TRDN: variants seen among roughly 807,000 people sequenced by gnomAD.
TRDN encodes triadin.
TRDN carries 161 observed loss-of-function variants against 149.7 expected under a neutral mutation model. That is an observed-to-expected ratio of 1.08 (90% CI 0.95 to 1.23). The LOEUF (loss-of-function observed/expected upper bound fraction) is 1.23, where lower values mean the gene tolerates loss of function less well. Ranked by LOEUF, TRDN falls within the 50% of genes most tolerant of loss-of-function variation. The pLI is 0.00. For synonymous variants in TRDN, 294 were observed against 250.5 expected (o/e 1.17, Z -1.64); for missense variants, 896 against 823.5 (o/e 1.09, Z -1.08).
chr6:123,446,074 A>T (rs1166982133), intron 10 of TRDN, among the ~76,000 whole-genome samples: 21 of 151,762 alleles, frequency 1.4e-4, no homozygotes, highest in Non-Finnish European at 2.4e-4. Flanking sequence ...TGATGAGTTC[A>T]TGTTCTTTGT....
intron 4 of TRDN, among the ~76,000 whole-genome samples, chr6:123,546,458 A>G (rs1562378656): frequency 6.6e-6 from 1 of 152,070 alleles, no homozygotes; most frequent in Non-Finnish European, 1.5e-5. Context: ...TTGAATCCAC[A>G]GTAGGTATTA....
At chr6:123,406,297 A>G (rs1474203678) in intron 12 of TRDN, among the ~76,000 whole-genome samples, 1 of 152,148 alleles carries the variant, frequency 6.6e-6, no homozygotes, top group Non-Finnish European at 1.5e-5. Context: ...CTCACTCTAC[A>G]CTATTATTTG....
intron 38 of TRDN, among the ~76,000 whole-genome samples, chr6:123,225,183 T>C (rs1277260453): frequency 6.6e-6 from 1 of 151,652 alleles, no homozygotes; most frequent in Non-Finnish European, 1.5e-5. Context: ...CACAATGAGA[T>C]ATTACCTCAC....
At chr6:123,476,594 A>G (rs1040510223) in intron 9 of TRDN, among the ~76,000 whole-genome samples, 2 of 147,860 alleles carry the variant, frequency 1.4e-5, no homozygotes, top group African/African-American at 5.0e-5. Flanking sequence ...AAGAGCCTAC[A>G]TCGCCAAGTC....
At chr6:123,513,677 A>G (rs1052047144) in intron 6 of TRDN, among the ~76,000 whole-genome samples, 5 of 152,282 alleles carry the variant, frequency 3.3e-5, no homozygotes, top group Non-Finnish European at 7.4e-5. Context: ...AATAAACATG[A>G]AGAAAATAAC....
chr6:123,314,625 A>G (rs1778957479), intron 24 of TRDN, among the ~76,000 whole-genome samples: 1 of 152,098 alleles, frequency 6.6e-6, no homozygotes, highest in Admixed American at 6.6e-5. Context: ...TGGATAAATA[A>G]AATGTGGTAC....
At chr6:123,507,342 G>T (rs1463154387) in intron 7 of TRDN, among the ~76,000 whole-genome samples, 2 of 152,024 alleles carry the variant, frequency 1.3e-5, no homozygotes, top group Non-Finnish European at 2.9e-5. Flanking sequence ...AGTGGGCAAT[G>T]ATTATTTTCT....
At chr6:123,308,900 A>G (rs1291360925) in intron 24 of TRDN, among the ~76,000 whole-genome samples, 5 of 152,078 alleles carry the variant, frequency 3.3e-5, no homozygotes, top group Non-Finnish European at 4.4e-5. Context: ...TTCAAAGCTG[A>G]GTGATTTTTT....
At chr6:123,364,308 C>T (rs1781007912) in intron 20 of TRDN, among the ~76,000 whole-genome samples, 1 of 152,168 alleles carries the variant, frequency 6.6e-6, no homozygotes, top group African/African-American at 2.4e-5. Flanking sequence ...TCAAGACTGT[C>T]TTCCACAAAC....
At position 123,528,434 on chromosome 6, in the gene TRDN, C is replaced by T. The variant is rs901626201; in HGVS notation, c.484+2072G>A. Among the ~76,000 whole-genome samples the T allele has an allele frequency of 2.6e-5, 4 of 151,800 alleles. No homozygotes were observed. In the East Asian group the frequency reaches 5.8e-4, roughly 22 times the overall value. ...GAATGTGATCTAGCTTCCACCATAA[C>T]GAATATCTTTTGTCATCCCACAAAA... On this transcript the variant is annotated intron_variant, in intron 5 of 40. Coordinates refer to ENST00000334268, the MANE Select transcript of TRDN (RefSeq NM_006073.4).
chr6:123,361,195 T>C (rs1242026350), intron 20 of TRDN, among the ~76,000 whole-genome samples: 2 of 152,154 alleles, frequency 1.3e-5, no homozygotes, highest in East Asian at 3.9e-4. Flanking sequence ...TAGAATACTA[T>C]GCAGCCATAA....
Position 123,216,977 on chromosome 6 carries a change from C to T in TRDN, c.*1624G>A, listed in dbSNP as rs551675124. On this transcript the variant is annotated 3_prime_UTR_variant, in exon 41 of 41. Transcript: ENST00000334268. ...GCTGGAGGAGCAGTTGAGCAATAAA[C>T]TTTATGCACTCTCCTACCCACAAGT... 9.2e-5 allele frequency: 14 copies of T among 152,064 alleles called. No individual in the cohort carries two copies. The South Asian group carries it at 2.9e-3, about 32-fold the overall frequency. The allele number at this position is 152,064 out of a possible 1,614,324, so 9.4% of individuals were successfully genotyped here. A position where few individuals can be genotyped will look rare whatever the true frequency, so the allele number is the denominator to read the frequency against.
intron 24 of TRDN, among the ~76,000 whole-genome samples, chr6:123,300,503 A>G (rs916830276): frequency 6.6e-6 from 1 of 151,920 alleles, no homozygotes; most frequent in African/African-American, 2.4e-5. Context: ...ATCCACAGAG[A>G]ATGAATTTCT....
chr6:123,462,511 TTTTA>T (rs34198868), intron 10 of TRDN, among the ~76,000 whole-genome samples: 25,572 of 152,028 alleles, frequency 0.17, 2,291 homozygotes, highest in South Asian at 0.28. Context: ...ACTAATGAAG[TTTTA>T]TTTGTTTCTA....
chr6:123,459,453 T>C lies in TRDN; in HGVS notation c.931+5453A>G, dbSNP rs1293557249. Reference sequence around the variant, plus strand: ...GGTCCCCTACTGAAGGACATGACCTTCAGATGTTCTGATTGGACATCTCTT... The same window carrying C: ...GGTCCCCTACTGAAGGACATGACCTCCAGATGTTCTGATTGGACATCTCTT... On this transcript the variant is annotated intron_variant, in intron 10 of 40. Coordinates refer to ENST00000334268, the MANE Select transcript of TRDN (RefSeq NM_006073.4). Among the ~76,000 whole-genome samples, 3 of 152,172 alleles carry C rather than the reference T, an allele frequency of 2.0e-5. No homozygotes were observed. The East Asian group carries it at 5.8e-4, about 29-fold the overall frequency.
intron 13 of TRDN, among the ~76,000 whole-genome samples, chr6:123,391,487 T>G (rs1212666329): frequency 6.6e-6 from 1 of 152,052 alleles, no homozygotes; most frequent in Admixed American, 6.6e-5. Flanking sequence ...TTGTCTCATG[T>G]CTTAATAGAA....
chr6:123,502,608 G>A (rs943054769), intron 8 of TRDN: 14 of 984,446 alleles, frequency 1.4e-5, no homozygotes, highest in South Asian at 9.4e-5. Context: ...AATACAGTAC[G>A]AGTGCATTGC....
chr6:123,416,792 C>A (rs1008757302), intron 12 of TRDN, among the ~76,000 whole-genome samples: 5 of 151,596 alleles, frequency 3.3e-5, no homozygotes, highest in Non-Finnish European at 7.4e-5. Context: ...ACCTCCGTCT[C>A]CCGGGTCCAA....
intron 38 of TRDN, among the ~76,000 whole-genome samples, chr6:123,242,687 A>G (rs1407753530): frequency 6.6e-6 from 1 of 152,158 alleles, no homozygotes; most frequent in Non-Finnish European, 1.5e-5. Flanking sequence ...GAAAGAAAAG[A>G]AAGTGTAGCA....
Sources: allele counts gnomAD v4.1 joint callset (sites outside exome capture counted in the v4.1 genomes callset), GRCh38; gene constraint gnomAD v4.1.1; transcripts MANE v1.5; gene names NCBI Gene and HGNC (gene_info 2026-07-23, HGNC 2026-07-21).